ZNF282: variants seen among roughly 807,000 people sequenced by gnomAD.
ZNF282 encodes HTLV-I U5 repressive element-binding protein 1.
A neutral mutation model predicts 61.9 loss-of-function variants in ZNF282; 30 were observed. The ratio of observed to expected loss-of-function variants is 0.48; its 90% CI spans 0.36 to 0.66. ZNF282 has a LOEUF of 0.66. ZNF282 is among the 30% of genes least tolerant of loss of function. The pLI, the probability that ZNF282 is intolerant of heterozygous loss-of-function variation, is 0.00. For missense variants in ZNF282, 788 were observed against 941.4 expected, an observed-to-expected ratio of 0.84 and a Z score of 2.13; for synonymous variants, 396 against 405.0, an observed-to-expected ratio of 0.98 and a Z score of 0.27.
chr7:149,205,527 G>T (rs958769678), intron 2 of ZNF282, among the ~76,000 whole-genome samples: 2 of 152,208 alleles, frequency 1.3e-5, no homozygotes, highest in African/African-American at 4.8e-5. Context: ...CTGGTGGAAG[G>T]TCCAGTAGCT....
intron 5 of ZNF282, 120 bp downstream of exon 5, chr7:149,210,824 A>G (rs1714145092): frequency 2.9e-6 from 4 of 1,363,500 alleles, no homozygotes; most frequent in Non-Finnish European, 2.9e-6. Context: ...TGAGCTCGAA[A>G]TGGAAGGGCT....
At chr7:149,199,317 A>G (rs971795284) in intron 2 of ZNF282, among the ~76,000 whole-genome samples, 1 of 152,140 alleles carries the variant, frequency 6.6e-6, no homozygotes, top group African/African-American at 2.4e-5. Flanking sequence ...AGAGGCGTCC[A>G]CATGCAGCCA....
In ZNF282 at chr7:149,224,155, C is replaced by T; in HGVS notation, c.1524C>T (p.Leu508=). Residue 508 remains leucine, a synonymous_variant, in exon 8 of 8, where the codon CTC becomes CTT. Coordinates refer to ENST00000610704, the MANE Select transcript of ZNF282 (RefSeq NM_003575.4). ...GCCCTGGCGGGCTGCGGCGGAGCCT[C>T]CTCCTGCACGGCGCCCGCAGCAAGC... The part of the protein sequence containing the change: ...SCCPGGLRRS[L]LLHGARSKPY... 6.4e-7 allele frequency: 1 copy of T among 1,557,588 alleles called. No individual in the cohort carries two copies. Among genetic ancestry groups the T allele is most frequent in the Non-Finnish European group, 8.6e-7 (1 of 1,158,664 alleles).
chr7:149,218,119 AAGAG>A (rs61408566), intron 7 of ZNF282, among the ~76,000 whole-genome samples: 8 of 149,942 alleles, frequency 5.3e-5, no homozygotes, highest in South Asian at 2.1e-4. Flanking sequence ...AAAAAAAAAA[AAGAG>A]AGAGAGAGAG....
At chr7:149,220,685 A>G (rs2129523705) in intron 7 of ZNF282, among the ~76,000 whole-genome samples, 1 of 152,230 alleles carries the variant, frequency 6.6e-6, no homozygotes, top group Non-Finnish European at 1.5e-5. Context: ...TCTTTCCAGA[A>G]GCCTCCCAGC....
chr7:149,207,428 C>A lies in ZNF282; in HGVS notation c.790C>A (p.Arg264Ser). Residue 264 changes from arginine to serine, a missense_variant, in exon 4 of 8, where the codon CGC (arginine) becomes AGC (serine). By Grantham distance (110) the Arg-to-Ser change is moderately radical (BLOSUM62 -1). Coordinates refer to ENST00000610704, the MANE Select transcript of ZNF282 (RefSeq NM_003575.4). ...PREEPCVWEQ[R>S]HPEEREIPMD... The stretch of plus-strand genomic sequence containing the variant: ...GGAAGAACCTTGTGTGTGGGAGCAG[C>A]GCCACCCCGAAGAGAGAGAAATCCC... The A allele has an allele frequency of 6.4e-7, 1 of 1,567,538 alleles. No individual in the cohort carries two copies. The highest frequency in any genetic ancestry group is 1.9e-5 in the Admixed American group (1 of 53,240).
intron 7 of ZNF282, among the ~76,000 whole-genome samples, chr7:149,218,980 A>G (rs1361082713): frequency 1.3e-5 from 2 of 152,170 alleles, no homozygotes; most frequent in South Asian, 2.1e-4. Flanking sequence ...GTGTGAAAAT[A>G]TGCAGAGCAT....
intron 7 of ZNF282, among the ~76,000 whole-genome samples, chr7:149,217,022 G>A (rs1796168509): frequency 6.6e-6 from 1 of 152,178 alleles, no homozygotes; most frequent in South Asian, 2.1e-4. Flanking sequence ...TGGCTAAAAG[G>A]TGCTTCCGGA....
intron 2 of ZNF282, among the ~76,000 whole-genome samples, chr7:149,202,590 A>G (rs1316844870): frequency 6.6e-6 from 1 of 152,000 alleles, no homozygotes; most frequent in African/African-American, 2.4e-5. Context: ...CTGGGATTAC[A>G]GGTGTGAGCC....
chr7:149,224,150 A>G lies in ZNF282; in HGVS notation c.1519A>G (p.Ser507Gly), dbSNP rs1179892328. 1.3e-6 allele frequency: 2 copies of G among 1,527,534 alleles called. No individual in the cohort carries two copies. The highest frequency in any genetic ancestry group is 1.9e-5 in the Admixed American group (1 of 53,260). The allele number at this position is 1,527,534 out of a possible 1,614,324, so 94.6% of individuals were successfully genotyped here. The stretch of plus-strand genomic sequence containing the variant: ...CTGCTGCCCTGGCGGGCTGCGGCGG[A>G]GCCTCCTCCTGCACGGCGCCCGCAG... ...GSCCPGGLRR[S>G]LLLHGARSKP... Residue 507 changes from serine to glycine, a missense_variant, in exon 8 of 8, where the codon AGC (serine) becomes GGC (glycine). Physicochemically the swap from Ser to Gly is moderately conservative, Grantham distance 56. Around this residue, in one of 3 missense-constraint regions of ZNF282, gnomAD observed 559 missense variants for 642.0 expected, o/e 0.87. Coordinates refer to ENST00000610704, the MANE Select transcript of ZNF282 (RefSeq NM_003575.4).
rs921582498 is a variant in ZNF282, at chr7:149,198,683, G to A, written c.516G>A (p.Glu172=). 4 of 1,613,836 alleles carry A rather than the reference G, an allele frequency of 2.5e-6. No individual in the cohort carries two copies. In the African/African-American group the frequency reaches 5.3e-5, roughly 22 times the overall value. Residue 172 remains glutamate, a synonymous_variant, in exon 2 of 8, where the codon GAG becomes GAA. Transcript: ENST00000610704. This position sits in a 1 kb window ranked among gnomAD's most constrained non-coding sequence, Gnocchi z 4.3. The part of the protein sequence containing the change: ...GLLQRRLENL[E]NLLRNRNFWV... ...TGCAGAGGCGGCTGGAGAACTTGGA[G>A]AACTTGCTGCGCAACAGGAACTTCT...
intron 2 of ZNF282, among the ~76,000 whole-genome samples, chr7:149,203,138 T>C (rs1356216306): frequency 6.6e-6 from 1 of 152,240 alleles, no homozygotes; most frequent in African/African-American, 2.4e-5. Context: ...GTCGCTTGTC[T>C]AGCACAATCA....
At position 149,223,899 on chromosome 7, in the gene ZNF282, C is replaced by T. The variant is rs768606730; in HGVS notation, c.1268C>T (p.Ser423Leu). 6.7e-5 allele frequency: 94 copies of T among 1,410,854 alleles called. 2 individuals carry two copies. In the Middle Eastern group the frequency reaches 9.6e-4, roughly 14 times the overall value. 87.4% of individuals were successfully genotyped at this position (1,410,854 alleles called of 1,614,324 possible). A position where few individuals can be genotyped will look rare whatever the true frequency, so the allele number is the denominator to read the frequency against. Residue 423 changes from serine (S) to leucine (L), a missense_variant, in exon 8 of 8, where the codon TCG becomes TTG. Physicochemically the swap from Ser to Leu is moderately radical, Grantham distance 145. Transcript: ENST00000610704. ...QPQPPQPQLQ[S>L]QPQPQSLPPI... ...CAGCCACCGCAGCCGCAGCTGCAGT[C>T]GCAGCCCCAGCCCCAGAGCCTGCCC... is the stretch of plus-strand genomic sequence containing the variant.
intron 7 of ZNF282, among the ~76,000 whole-genome samples, chr7:149,214,901 T>G (rs1397350096): frequency 6.6e-6 from 1 of 151,914 alleles, no homozygotes; most frequent in Non-Finnish European, 1.5e-5. Flanking sequence ...CATCCCGGAG[T>G]CACTGATGAA....
At chr7:149,212,306 C>A in intron 5 of ZNF282, 52 bp from the exon 6 acceptor site, 1 of 1,272,272 alleles carries the variant, frequency 7.9e-7, no homozygotes, top group Non-Finnish European at 1.1e-6. Context: ...CACAAACTTG[C>A]AGGAGATTTC....
chr7:149,213,871 G>A (rs1481011191), intron 7 of ZNF282, 57 bp downstream of exon 7: 3 of 1,303,986 alleles, frequency 2.3e-6, no homozygotes, highest in Non-Finnish European at 3.3e-6. Flanking sequence ...GTACAGCTGA[G>A]GCGTGGACGA....
At chr7:149,211,027 T>C (rs1478934103) in intron 5 of ZNF282, among the ~76,000 whole-genome samples, 2 of 152,212 alleles carry the variant, frequency 1.3e-5, no homozygotes, top group African/African-American at 4.8e-5. Context: ...TAAGGCTTCA[T>C]GGGTGGGGGA....
rs779975646 is a variant in ZNF282 at position 149,210,690 on chromosome 7, C to A, written c.938C>A (p.Thr313Lys). Residue 313 changes from threonine (T) to lysine (K), a missense_variant, in exon 5 of 8, where the codon ACG becomes AAG. Coordinates refer to ENST00000610704, the MANE Select transcript of ZNF282 (RefSeq NM_003575.4). The stretch of plus-strand genomic sequence containing the variant: ...GGCCTGGAGGAAAGAGCCATCCCTA[C>A]GGAATCCATTACCGGTGAGTGAGCC... ...QRGLEERAIP[T>K]ESITDSPISA... 12 of 1,601,532 alleles carry A rather than the reference C, an allele frequency of 7.5e-6. No individual in the cohort carries two copies. Among genetic ancestry groups the A allele is most frequent in the Admixed American group, 1.7e-5 (1 of 57,566 alleles).
rs1452216516 is a variant in ZNF282, at chr7:149,212,418, T to C, written c.1013T>C (p.Val338Ala). The C allele has an allele frequency of 6.2e-7, 1 of 1,613,342 alleles. No homozygotes were observed. The highest frequency in any genetic ancestry group is 8.5e-7 in the Non-Finnish European group (1 of 1,179,782). Residue 338 changes from valine (V) to alanine (A), a missense_variant, in exon 6 of 8, where the codon GTG becomes GCG. This residue lies in a region of ZNF282 where 559 missense variants were observed against 642.0 expected (regional missense o/e 0.87). Coordinates refer to ENST00000610704, the MANE Select transcript of ZNF282 (RefSeq NM_003575.4). Reference sequence around the variant, plus strand: ...ATTAAACAGGAGGAGCATCAGTGCGTGTGGGATCAGCAGGATTTGGCAGAC... The same window carrying C: ...ATTAAACAGGAGGAGCATCAGTGCGCGTGGGATCAGCAGGATTTGGCAGAC... Reference protein sequence around the residue: ...SRIKQEEHQCVWDQQDLADRD... With the variant: ...SRIKQEEHQCAWDQQDLADRD...
Sources: allele counts gnomAD v4.1 joint callset (sites outside exome capture counted in the v4.1 genomes callset), GRCh38; gene constraint gnomAD v4.1.1; regional missense constraint gnomAD v4.1.1; non-coding constraint Gnocchi (gnomAD v3.1); transcripts MANE v1.5; gene names NCBI Gene and HGNC (gene_info 2026-07-23, HGNC 2026-07-21).